Variants in RIPOR3 observed in about 807,000 individuals in gnomAD.
RIPOR3 encodes the protein family with sequence similarity 65 member C.
In RIPOR3, 95 loss-of-function variants were observed where a neutral mutation model predicts 114.3. The ratio of observed to expected loss-of-function variants is 0.83; its 90% CI spans 0.70 to 0.99. The LOEUF (loss-of-function observed/expected upper bound fraction) is 0.99, where lower values mean the gene tolerates loss of function less well. RIPOR3 is among the 50% of genes least tolerant of loss of function. The pLI is 0.00. For missense variants in RIPOR3, 1,252 were observed against 1,266.9 expected (o/e 0.99, Z 0.18); for synonymous variants, 575 against 543.8 (o/e 1.06, Z -0.80).
At chr20:50,598,430 T>C (rs769623205) in intron 13 of RIPOR3, among the ~76,000 whole-genome samples, 12 of 151,934 alleles carry the variant, frequency 7.9e-5, no homozygotes, top group Non-Finnish European at 1.6e-4. Flanking sequence ...CCAGGCCTTG[T>C]GTCCAACACA....
intron 1 of RIPOR3, among the ~76,000 whole-genome samples, chr20:50,658,488 G>A (rs557250695): frequency 1.3e-5 from 2 of 152,124 alleles, no homozygotes; most frequent in South Asian, 4.1e-4. Flanking sequence ...TGGGAGGATC[G>A]CTCGAGCCCA....
At chr20:50,587,538 A>G (rs1427236964) in intron 21 of RIPOR3, among the ~76,000 whole-genome samples, 2 of 152,194 alleles carry the variant, frequency 1.3e-5, no homozygotes, top group Non-Finnish European at 2.9e-5. Context: ...GTTCCGCTGA[A>G]TGGGAACCCT....
intron 3 of RIPOR3, among the ~76,000 whole-genome samples, chr20:50,617,628 C>CTTTTTT (rs71190578): frequency 9.1e-6 from 1 of 110,442 alleles, no homozygotes; most frequent in Non-Finnish European, 1.7e-5. Context: ...GGTGGTTTCC[C>CTTTTTT]TTTTTTTTTT....
intron 1 of RIPOR3, among the ~76,000 whole-genome samples, chr20:50,664,820 G>A (rs957441605): frequency 1.8e-4 from 28 of 152,148 alleles, no homozygotes; most frequent in African/African-American, 6.0e-4. Context: ...AAAGAAACCC[G>A]GCTGGGCACG....
chr20:50,603,514 C>T (rs898916797), intron 12 of RIPOR3, among the ~76,000 whole-genome samples: 1 of 152,192 alleles, frequency 6.6e-6, no homozygotes, highest in African/African-American at 2.4e-5. Context: ...ACTGGGATTA[C>T]AGGCATGAGC....
chr20:50,596,250 G>A lies in RIPOR3; in HGVS notation c.1804C>T (p.Leu602=), dbSNP rs770229488. ...GSQGLRKDRP[L]PPPSSLKASS... is the part of the protein sequence containing the mutation. ...GCTTTCAGTGATGACGGTGGGGGCA[G>A]GGGCCGGTCCTTTCTGAGTTGAATT... Residue 602 remains leucine (L), a synonymous_variant, in exon 15 of 22, where the codon CTG becomes TTG. Coordinates refer to ENST00000327979, the MANE Select transcript of RIPOR3 (RefSeq NM_001290268.2). The A allele has an allele frequency of 4.3e-6, 7 of 1,614,208 alleles. No individual in the cohort carries two copies. The highest frequency in any genetic ancestry group is 5.9e-6 in the Non-Finnish European group (7 of 1,180,048).
chr20:50,615,419 G>A (rs1486076436), intron 4 of RIPOR3, among the ~76,000 whole-genome samples: 2 of 151,636 alleles, frequency 1.3e-5, no homozygotes. Flanking sequence ...CAGTTACTTG[G>A]GAGGCTGAGG....
intron 1 of RIPOR3, among the ~76,000 whole-genome samples, chr20:50,682,841 C>A (rs552045423): frequency 6.6e-6 from 1 of 151,846 alleles, no homozygotes; most frequent in South Asian, 2.1e-4. Context: ...AATTCTCCTG[C>A]CTCGGCCTCC....
intron 6 of RIPOR3, among the ~76,000 whole-genome samples, chr20:50,610,347 C>T (rs1368587363): frequency 1.3e-5 from 2 of 152,142 alleles, no homozygotes; most frequent in Non-Finnish European, 2.9e-5. Flanking sequence ...CCCTTCACCT[C>T]CTCTGCCTGG....
intron 1 of RIPOR3, among the ~76,000 whole-genome samples, chr20:50,665,027 A>G (rs2086134843): frequency 6.6e-6 from 1 of 152,066 alleles, no homozygotes; most frequent in African/African-American, 2.4e-5. Context: ...ACTTGAACCC[A>G]GGAGGCAGAG....
intron 1 of RIPOR3, among the ~76,000 whole-genome samples, chr20:50,677,495 C>T (rs1358855002): frequency 6.6e-6 from 1 of 150,578 alleles, no homozygotes; most frequent in African/African-American, 2.4e-5. Context: ...CCTCAGCCTC[C>T]TGAGTAGCTG....
At chr20:50,588,604 G>GT (rs907720592) in intron 20 of RIPOR3, among the ~76,000 whole-genome samples, 4 of 152,008 alleles carry the variant, frequency 2.6e-5, no homozygotes, top group African/African-American at 9.7e-5. Flanking sequence ...AGAACTCCAT[G>GT]TTTTTTTAAA....
intron 1 of RIPOR3, among the ~76,000 whole-genome samples, chr20:50,667,386 T>C (rs1004248441): frequency 3.5e-5 from 5 of 143,682 alleles, no homozygotes; most frequent in African/African-American, 1.3e-4. Context: ...CTCCACCTCC[T>C]GGGTTCAAGT....
chr20:50,651,416 C>T (rs76507234), intron 1 of RIPOR3, among the ~76,000 whole-genome samples: 2,761 of 152,302 alleles, frequency 0.018, 96 homozygotes, highest in African/African-American at 0.063. Context: ...TGAGCTCATA[C>T]ATGGATATTG....
chr20:50,630,709 C>A, intron 2 of RIPOR3, 29 bp downstream of exon 2: 1 of 1,563,520 alleles, frequency 6.4e-7, no homozygotes, highest in Non-Finnish European at 8.7e-7. Flanking sequence ...CACCCCTGCA[C>A]CCCGAAACAG....
chr20:50,680,987 G>A (rs939701640), intron 1 of RIPOR3, among the ~76,000 whole-genome samples: 7 of 152,096 alleles, frequency 4.6e-5, no homozygotes, highest in African/African-American at 1.7e-4. Context: ...ACTTTGGGGG[G>A]CTAAGGCGGG....
chr20:50,622,100 G>A (rs771053790), intron 2 of RIPOR3, among the ~76,000 whole-genome samples: 24 of 152,120 alleles, frequency 1.6e-4, no homozygotes, highest in Admixed American at 4.6e-4. Flanking sequence ...AGGCGCCCTG[G>A]CACCAGGCAT....
chr20:50,673,115 C>T (rs1474733439), intron 1 of RIPOR3, among the ~76,000 whole-genome samples: 1 of 146,628 alleles, frequency 6.8e-6, no homozygotes, highest in Admixed American at 7.0e-5. Flanking sequence ...CAAGGTAAGT[C>T]TTGTCCTTGA....
At chr20:50,675,413 T>C (rs1199094932) in intron 1 of RIPOR3, among the ~76,000 whole-genome samples, 1 of 152,192 alleles carries the variant, frequency 6.6e-6, no homozygotes, top group Non-Finnish European at 1.5e-5. Context: ...TCACAACAAC[T>C]GTAAGAGGTT....
Sources: allele counts gnomAD v4.1 joint callset (sites outside exome capture counted in the v4.1 genomes callset), GRCh38; gene constraint gnomAD v4.1.1; transcripts MANE v1.5; gene names NCBI Gene and HGNC (gene_info 2026-07-23, HGNC 2026-07-21).